Variants in PTPRD observed in about 807,000 individuals in gnomAD.
The protein encoded by PTPRD is receptor-type tyrosine-protein phosphatase delta.
PTPRD carries 34 observed loss-of-function variants against 214.5 expected under a neutral mutation model. The ratio of observed to expected loss-of-function variants is 0.16; its 90% confidence interval spans 0.12 to 0.21. The LOEUF (loss-of-function observed/expected upper bound fraction) is 0.21, where lower values mean the gene tolerates loss of function less well. PTPRD is among the 10% of genes least tolerant of loss of function. The pLI, the probability that PTPRD is intolerant of heterozygous loss-of-function variation, is 1.00. For missense variants in PTPRD, 2,545 were observed against 2,398.7 expected (o/e 1.06, Z -1.27); for synonymous variants, 1,128 against 845.7 (o/e 1.33, Z -5.79).
At chr9:8,851,201 G>GA (rs5896266) in intron 11 of PTPRD, among the ~76,000 whole-genome samples, 68,399 of 141,838 alleles carry the variant, frequency 0.48, 17,230 homozygotes, top group African/African-American at 0.7. Context: ...TACCATTAAA[G>GA]AAAAAAAAAA....
At chr9:9,787,878 T>C (rs1597819953) in intron 5 of PTPRD, among the ~76,000 whole-genome samples, 1 of 151,744 alleles carries the variant, frequency 6.6e-6, no homozygotes. Context: ...ACCTCCCAGG[T>C]TCAAGAGATT....
chr9:9,415,544 A>C (rs1252734424), intron 8 of PTPRD, among the ~76,000 whole-genome samples: 1 of 152,208 alleles, frequency 6.6e-6, no homozygotes, highest in Admixed American at 6.5e-5. Flanking sequence ...TGAGCCAAGA[A>C]TTAAAATGTT....
chr9:9,838,023 G>A (rs1406756286), intron 5 of PTPRD, among the ~76,000 whole-genome samples: 2 of 152,088 alleles, frequency 1.3e-5, no homozygotes, highest in Non-Finnish European at 2.9e-5. Context: ...ACGGTGTTTG[G>A]TTTTGTGTCC....
intron 11 of PTPRD, among the ~76,000 whole-genome samples, chr9:8,795,072 C>A (rs7032107): frequency 0.76 from 115,096 of 152,000 alleles, 44,345 homozygotes; most frequent in African/African-American, 0.91. Context: ...TCAAATCTTC[C>A]GCATTCATTT....
intron 8 of PTPRD, among the ~76,000 whole-genome samples, chr9:9,523,036 C>A (rs1412107837): frequency 6.6e-6 from 1 of 152,064 alleles, no homozygotes; most frequent in Admixed American, 6.6e-5. Context: ...TAAAAAGTGA[C>A]CTAACTTAAT....
In PTPRD at chr9:9,360,272, T is replaced by C. The variant is rs181964418; in HGVS notation, c.-203+37177A>G. On this transcript the variant is annotated intron_variant, in intron 9 of 45. Coordinates refer to ENST00000381196, the MANE Select transcript of PTPRD (RefSeq NM_002839.4). The stretch of plus-strand genomic sequence containing the variant: ...ATAGATGGGAAAAAAAAAAAGATGA[T>C]TGGCAAAGCCATAAGAGAGAAACAA... Among the ~76,000 whole-genome samples the C allele has an allele frequency of 2.0e-3, 300 of 150,760 alleles. 1 individual carries two copies. The highest frequency in any genetic ancestry group is 6.9e-3 in the African/African-American group (286 of 41,324).
chr9:9,004,059 GATAAA>G (rs2099440671), intron 11 of PTPRD, among the ~76,000 whole-genome samples: 3 of 152,060 alleles, frequency 2.0e-5, no homozygotes, highest in Non-Finnish European at 4.4e-5. Context: ...TTCTCCTTTA[GATAAA>G]TCTTTTTGTG....
Position 8,315,955 on chromosome 9 carries a change from T to TTA in PTPRD, c.*1917_*1918dup. On this transcript the variant is annotated 3_prime_UTR_variant, in exon 46 of 46. Coordinates refer to ENST00000381196, the MANE Select transcript of PTPRD (RefSeq NM_002839.4). ...GGTAAGATACATATATATATATAGT[T>TTA]TATTTCCCCTTTTAGAAAAATCCTA... 1 of 224,422 alleles carries TTA rather than the reference T, an allele frequency of 4.5e-6. No homozygotes were observed. The highest frequency in any genetic ancestry group is 8.8e-6 in the Non-Finnish European group (1 of 113,104). 13.9% of individuals were successfully genotyped at this position (224,422 alleles called of 1,614,324 possible). A position where few individuals can be genotyped will look rare whatever the true frequency, so the allele number is the denominator to read the frequency against.
At chr9:9,712,522 C>T (rs1178387480) in intron 7 of PTPRD, among the ~76,000 whole-genome samples, 2 of 152,164 alleles carry the variant, frequency 1.3e-5, no homozygotes, top group South Asian at 2.1e-4. Flanking sequence ...TACTACCCCA[C>T]GAGTAAAGGT....
At chr9:9,571,248 C>T (rs755539604) in intron 8 of PTPRD, among the ~76,000 whole-genome samples, 2 of 151,150 alleles carry the variant, frequency 1.3e-5, no homozygotes, top group Non-Finnish European at 3.0e-5. Context: ...CTATCAGACA[C>T]AAAATAAGTT....
chr9:8,448,609 T>C (rs1262744287), intron 34 of PTPRD, among the ~76,000 whole-genome samples: 1 of 152,130 alleles, frequency 6.6e-6, no homozygotes, highest in African/African-American at 2.4e-5. Flanking sequence ...TAACCTCATA[T>C]GAGTTAGAAT....
intron 3 of PTPRD, among the ~76,000 whole-genome samples, chr9:10,184,008 A>G (rs2099315838): frequency 1.3e-5 from 2 of 152,248 alleles, no homozygotes; most frequent in South Asian, 2.1e-4. Flanking sequence ...ATCTGGTCAC[A>G]TGCACGTATA....
At chr9:9,928,733 C>G (rs914574280) in intron 5 of PTPRD, among the ~76,000 whole-genome samples, 5 of 139,588 alleles carry the variant, frequency 3.6e-5, no homozygotes, top group Non-Finnish European at 6.0e-5. Flanking sequence ...ACACCTAATA[C>G]AGTAGCAGTC....
intron 26 of PTPRD, among the ~76,000 whole-genome samples, chr9:8,494,523 A>G (rs2136408634): frequency 6.6e-6 from 1 of 152,334 alleles, no homozygotes; most frequent in East Asian, 1.9e-4. Context: ...AGTAAATGCC[A>G]ACATTATGGT....
intron 14 of PTPRD, among the ~76,000 whole-genome samples, chr9:8,539,765 T>C (rs989756648): frequency 1.3e-5 from 2 of 152,020 alleles, no homozygotes; most frequent in South Asian, 4.1e-4. Flanking sequence ...TTCAAAACTA[T>C]CATGGTCAGA....
At chr9:10,100,336 T>C (rs1436148931) in intron 3 of PTPRD, among the ~76,000 whole-genome samples, 1 of 151,710 alleles carries the variant, frequency 6.6e-6, no homozygotes, top group African/African-American at 2.4e-5. Flanking sequence ...AAAATTTAAA[T>C]ATCCATCCCA....
chr9:9,473,233 C>G (rs1323862398), intron 8 of PTPRD, among the ~76,000 whole-genome samples: 1 of 152,110 alleles, frequency 6.6e-6, no homozygotes, highest in Non-Finnish European at 1.5e-5. Context: ...ATGCAATATG[C>G]CTTTCTGTGC....
chr9:9,736,381 C>G (rs540340645), intron 6 of PTPRD, among the ~76,000 whole-genome samples: 4 of 152,118 alleles, frequency 2.6e-5, no homozygotes, highest in African/African-American at 9.6e-5. Flanking sequence ...GTTTTCATTA[C>G]TCCTATAGTA....
chr9:10,400,388 C>T (rs933438342), intron 2 of PTPRD, among the ~76,000 whole-genome samples: 1 of 151,672 alleles, frequency 6.6e-6, no homozygotes, highest in Non-Finnish European at 1.5e-5. Flanking sequence ...AAAATAAATA[C>T]ATTTTTTCAT....
Sources: gnomAD v4.1 joint callset for allele counts (sites outside exome capture counted in the v4.1 genomes callset) on GRCh38, gnomAD v4.1.1 for gene constraint, MANE v1.5 for transcripts, NCBI Gene and HGNC (gene_info 2026-07-23, HGNC 2026-07-21) for gene names.